FAM135B: variants seen among roughly 807,000 people sequenced by gnomAD.
The protein encoded by FAM135B is family with sequence similarity 135 member B, also known as protein FAM135B.
A neutral mutation model predicts 127.7 loss-of-function variants in FAM135B; 43 were observed. The observed-to-expected ratio is 0.34, with a 90% CI of 0.26 to 0.43. The LOEUF is 0.43. Among genes scored for constraint, FAM135B ranks in the 20% least tolerant of loss-of-function variants. The pLI, the probability that FAM135B is intolerant of heterozygous loss-of-function variation, is 1.00. For missense variants in FAM135B, 1,558 were observed against 1,725.6 expected (o/e 0.90, Z 1.72); for synonymous variants, 670 against 665.1 (o/e 1.01, Z -0.11).
intron 7 of FAM135B, among the ~76,000 whole-genome samples, chr8:138,226,655 A>G (rs60628305): frequency 0.069 from 10,522 of 152,126 alleles, 631 homozygotes; most frequent in East Asian, 0.32. Flanking sequence ...ACCACCTCCC[A>G]GGTTCAAGCT....
At chr8:138,183,221 C>T (rs1014936815) in intron 9 of FAM135B, among the ~76,000 whole-genome samples, 1 of 152,176 alleles carries the variant, frequency 6.6e-6, no homozygotes, top group African/African-American at 2.4e-5. Flanking sequence ...TACTTAATTA[C>T]TTAATCCTTA....
chr8:138,362,203 T>C (rs1043400247), intron 2 of FAM135B, among the ~76,000 whole-genome samples: 1 of 151,910 alleles, frequency 6.6e-6, no homozygotes, highest in Non-Finnish European at 1.5e-5. Context: ...TGCTATCAAA[T>C]AGCAGGACTT....
intron 3 of FAM135B, among the ~76,000 whole-genome samples, chr8:138,271,675 C>T (rs926739775): frequency 6.6e-6 from 1 of 152,106 alleles, no homozygotes; most frequent in Admixed American, 6.6e-5. Flanking sequence ...CTTATATAGG[C>T]TAATTTAAAA....
At chr8:138,494,171 CACA>C (rs1490515872) in intron 1 of FAM135B, among the ~76,000 whole-genome samples, 7 of 152,206 alleles carry the variant, frequency 4.6e-5, no homozygotes, top group Non-Finnish European at 8.8e-5. Context: ...CTAAATAATG[CACA>C]ACAAGCCATG....
intron 9 of FAM135B, among the ~76,000 whole-genome samples, chr8:138,180,957 G>A (rs190803611): frequency 6.6e-6 from 1 of 152,184 alleles, no homozygotes; most frequent in East Asian, 1.9e-4. Context: ...AGTAAAAACT[G>A]GGGCCGGGCA....
chr8:138,484,470 T>C (rs774939497), intron 1 of FAM135B, among the ~76,000 whole-genome samples: 44 of 152,212 alleles, frequency 2.9e-4, no homozygotes, highest in Non-Finnish European at 5.7e-4. Context: ...GGGATCAGCT[T>C]CTGGCGACTG....
intron 2 of FAM135B, among the ~76,000 whole-genome samples, chr8:138,361,288 T>G (rs1313324633): frequency 6.6e-6 from 1 of 152,152 alleles, no homozygotes; most frequent in Non-Finnish European, 1.5e-5. Flanking sequence ...TGAGCCACCA[T>G]TTGAGCAGCA....
chr8:138,344,595 T>G (rs928664898), intron 2 of FAM135B, among the ~76,000 whole-genome samples: 2 of 128,212 alleles, frequency 1.6e-5, no homozygotes, highest in South Asian at 4.8e-4. Context: ...TTTTTTTTTG[T>G]TAAGGAGTCT....
In FAM135B at chr8:138,242,562, T is replaced by C. The variant is rs1820901410; in HGVS notation, c.669+380A>G. Among the ~76,000 whole-genome samples, 2 of 152,288 alleles carry C rather than the reference T, an allele frequency of 1.3e-5. No homozygotes were observed. Among genetic ancestry groups the C allele is most frequent in the South Asian group, 4.1e-4 (2 of 4,828 alleles). On this transcript the variant is annotated intron_variant, in intron 7 of 19. Transcript: ENST00000395297. The surrounding 1 kb of genome is among the most constrained non-coding windows in gnomAD (Gnocchi z 9.6). The stretch of plus-strand genomic sequence containing the variant: ...CCCACTCTACAGGTGGGAAAACTGA[T>C]GTTCAGAGAGTGCACAAATGAAAGC...
chr8:138,236,699 C>T (rs1264159071), intron 7 of FAM135B, among the ~76,000 whole-genome samples: 1 of 152,190 alleles, frequency 6.6e-6, no homozygotes, highest in Non-Finnish European at 1.5e-5. Flanking sequence ...ACATAAGTGG[C>T]TTACCAGCAT....
At chr8:138,195,009 G>A (rs771908121) in intron 9 of FAM135B, among the ~76,000 whole-genome samples, 2 of 152,198 alleles carry the variant, frequency 1.3e-5, no homozygotes, top group African/African-American at 4.8e-5. Flanking sequence ...CATATGTGTA[G>A]CCTAAGCTTC....
At chr8:138,434,035 T>C (rs1457012592) in intron 1 of FAM135B, among the ~76,000 whole-genome samples, 10 of 152,208 alleles carry the variant, frequency 6.6e-5, no homozygotes, top group East Asian at 1.9e-4. Context: ...AAAAGCAGCA[T>C]TGACATTGCC....
In FAM135B at chr8:138,242,644, G is replaced by A. The variant is rs1373193833; in HGVS notation, c.669+298C>T. ...TCAACGTTATCACATAGTCTGAGTGGCCCCCTCACAGCACAGCCTCCTGAC... is the reference window on the plus strand; with the variant it reads ...TCAACGTTATCACATAGTCTGAGTGACCCCCTCACAGCACAGCCTCCTGAC... On this transcript the variant is annotated intron_variant, in intron 7 of 19. Transcript: ENST00000395297. The surrounding 1 kb of genome is among the most constrained non-coding windows in gnomAD (Gnocchi z 9.6). Among the ~76,000 whole-genome samples, 1 of 152,084 alleles carries A rather than the reference G, an allele frequency of 6.6e-6. No homozygotes were observed. Among genetic ancestry groups the A allele is most frequent in the Non-Finnish European group, 1.5e-5 (1 of 68,024 alleles).
chr8:138,367,378 C>G, intron 2 of FAM135B: 4 of 456,188 alleles, frequency 8.8e-6, no homozygotes, highest in Middle Eastern at 3.3e-4. Context: ...ACTGATATCA[C>G]CTGCACGTGA....
chr8:138,337,143 A>C lies in FAM135B; in HGVS notation c.78-26223T>G, dbSNP rs370967321. On this transcript the variant is annotated intron_variant, in intron 2 of 19. Coordinates refer to ENST00000395297, the MANE Select transcript of FAM135B (RefSeq NM_015912.4). The stretch of plus-strand genomic sequence containing the variant: ...AGAGCTATCTATGACAAACCCACAG[A>C]CAATATCATACTGAATGGGCAAAAA... 9.2e-5 allele frequency among the ~76,000 whole-genome samples: 14 copies of C among 151,956 alleles called. No homozygotes were observed. In the East Asian group the frequency reaches 9.7e-4, roughly 11 times the overall value.
At chr8:138,422,812 C>T (rs1397791835) in intron 1 of FAM135B, among the ~76,000 whole-genome samples, 1 of 152,132 alleles carries the variant, frequency 6.6e-6, no homozygotes, top group Non-Finnish European at 1.5e-5. Flanking sequence ...CACATATACT[C>T]ATATGTTCAC....
rs1262135397 is a variant in FAM135B, at chr8:138,143,071, C to T, written c.3579G>A (p.Arg1193=). The T allele has an allele frequency of 6.2e-7, 1 of 1,610,172 alleles. No homozygotes were observed. The highest frequency in any genetic ancestry group is 8.5e-7 in the Non-Finnish European group (1 of 1,176,556). ...TFADFDTMTD[R]LLDEIIQHIQ... Reference sequence around the variant, plus strand: ...TGTGTTGAATGATTTCATCCAATAACCGATCCGTCATAGTATCAAAATCTG... The same window carrying T: ...TGTGTTGAATGATTTCATCCAATAATCGATCCGTCATAGTATCAAAATCTG... Residue 1193 remains arginine (R), a synonymous_variant, in exon 16 of 20, where the codon CGG becomes CGA. Coordinates refer to ENST00000395297, the MANE Select transcript of FAM135B (RefSeq NM_015912.4).
In FAM135B at chr8:138,242,236, T is replaced by C. The variant is rs556603850; in HGVS notation, c.669+706A>G. The stretch of plus-strand genomic sequence containing the variant: ...GTGTGTGTTCTATTGGCTGTATTGG[T>C]CCTGTTTCTCTGGAGAACCCTGAAT... On this transcript the variant is annotated intron_variant, in intron 7 of 19. Coordinates refer to ENST00000395297, the MANE Select transcript of FAM135B (RefSeq NM_015912.4). This position sits in a 1 kb window ranked among gnomAD's most constrained non-coding sequence, Gnocchi z 9.6. Among the ~76,000 whole-genome samples, 240 of 150,082 alleles carry C rather than the reference T, an allele frequency of 1.6e-3. 3 individuals are homozygous for C. Among genetic ancestry groups the C allele is most frequent in the African/African-American group, 5.6e-3 (228 of 40,754 alleles).
At chr8:138,390,839 G>A (rs1283844264) in intron 1 of FAM135B, among the ~76,000 whole-genome samples, 1 of 152,146 alleles carries the variant, frequency 6.6e-6, no homozygotes, top group Non-Finnish European at 1.5e-5. Flanking sequence ...AGTGTTAGAA[G>A]CAGAGCTGAG....
Sources: gnomAD v4.1 joint callset for allele counts (sites outside exome capture counted in the v4.1 genomes callset) on GRCh38, gnomAD v4.1.1 for gene constraint, Gnocchi (gnomAD v3.1) non-coding constraint, MANE v1.5 for transcripts, NCBI Gene and HGNC (gene_info 2026-07-23, HGNC 2026-07-21) for gene names.